ATAD3A: variants seen among roughly 807,000 people sequenced by gnomAD.
The protein encoded by ATAD3A is ATPase family AAA domain-containing protein 3A.
A neutral mutation model predicts 73.8 loss-of-function variants in ATAD3A; 46 were observed. That is an observed-to-expected ratio of 0.62 (90% CI 0.49 to 0.80). The LOEUF is 0.80. Ranked by LOEUF, ATAD3A falls within the 30% of genes least tolerant of loss-of-function variation. ATAD3A has a pLI of 0.00. For missense variants in ATAD3A, 705 were observed against 838.0 expected, an observed-to-expected ratio of 0.84 and a Z score of 1.96; for synonymous variants, 319 against 350.0, an observed-to-expected ratio of 0.91 and a Z score of 0.99.
chr1:1,517,440 G>T, intron 3 of ATAD3A, 28 bp downstream of exon 3: 1 of 1,478,824 alleles, frequency 6.8e-7, no homozygotes. Flanking sequence ...CGCGAGGGAG[G>T]CCGCCCGGCT....
At chr1:1,526,817 C>A (rs1641863883) in intron 13 of ATAD3A, among the ~76,000 whole-genome samples, 1 of 152,216 alleles carries the variant, frequency 6.6e-6, no homozygotes, top group Non-Finnish European at 1.5e-5. Flanking sequence ...TAGGTTTCTG[C>A]GGTCCTGTGC....
In ATAD3A at chr1:1,523,697, C is replaced by T. The variant is rs1363403731; in HGVS notation, c.963+130C>T. On this transcript the variant is annotated intron_variant, in intron 9 of 15. Transcript: ENST00000378756. The surrounding 1 kb of genome is among the most constrained non-coding windows in gnomAD (Gnocchi z 5.1). ...GGTCCTGAGATGCGACTGCTTGGAC[C>T]GTGCTGGGGATAGATAGGCTGCCCC... 1.5e-5 allele frequency: 23 copies of T among 1,585,134 alleles called. No individual in the cohort carries two copies. The highest frequency in any genetic ancestry group is 1.7e-5 in the Non-Finnish European group (20 of 1,163,540).
chr1:1,519,328 G>C (rs1641503560), intron 5 of ATAD3A, among the ~76,000 whole-genome samples: 1 of 132,852 alleles, frequency 7.5e-6, no homozygotes, highest in Non-Finnish European at 1.7e-5. Flanking sequence ...CCAGGTTTAA[G>C]CAATTCTCCT....
rs1553125091 is a variant in ATAD3A at position 1,518,621 on chromosome 1, A to ACAC, written c.445-299_445-298insACC. 7.6e-4 allele frequency among the ~76,000 whole-genome samples: 29 copies of ACAC among 38,098 alleles called. 1 individual carries two copies. Among genetic ancestry groups the ACAC allele is most frequent in the African/African-American group, 5.4e-3 (28 of 5,232 alleles). 25.0% of individuals were successfully genotyped at this position (38,098 alleles called of 152,430 possible). A position where few individuals can be genotyped will look rare whatever the true frequency, so the allele number is the denominator to read the frequency against. ...CACACACCCACACACGGGCGTACAC[A>ACAC]CCCCCCCCCACAGGCACGCACAACC... On this transcript the variant is annotated intron_variant, in intron 4 of 15. Coordinates refer to ENST00000378756, the MANE Select transcript of ATAD3A (RefSeq NM_001170535.3).
Position 1,523,611 on chromosome 1 carries a change from C to T in ATAD3A, c.963+44C>T, listed in dbSNP as rs745698793. 3 of 1,611,508 alleles carry T rather than the reference C, an allele frequency of 1.9e-6. No homozygotes were observed. The African/African-American group carries it at 4.0e-5, about 22-fold the overall frequency. ...GACCGGGGAGGCGCAGGGAGGGGAC[C>T]CTGGAGCTGGGCCGGGCTGTGGCCC... is the stretch of plus-strand genomic sequence containing the variant. On this transcript the variant is annotated intron_variant, in intron 9 of 15. Coordinates refer to ENST00000378756, the MANE Select transcript of ATAD3A (RefSeq NM_001170535.3). This position sits in a 1 kb window ranked among gnomAD's most constrained non-coding sequence, Gnocchi z 5.1.
Position 1,534,411 on chromosome 1 carries a change from G to A in ATAD3A, c.*339G>A. ...GGTGGGTGCTGGCTGAGCCCCCGGG[G>A]CAGCAGGAGCCAGGCAGGTGATGTC... On this transcript the variant is annotated 3_prime_UTR_variant, in exon 16 of 16. Transcript: ENST00000378756. 7.7e-7 allele frequency: 1 copy of A among 1,302,026 alleles called. No individual in the cohort carries two copies. The highest frequency in any genetic ancestry group is 2.8e-5 in the East Asian group (1 of 35,208). 80.7% of individuals were successfully genotyped at this position (1,302,026 alleles called of 1,614,324 possible). A position where few individuals can be genotyped will look rare whatever the true frequency, so the allele number is the denominator to read the frequency against.
intron 12 of ATAD3A, 90 bp downstream of exon 12, chr1:1,525,381 C>G: frequency 8.3e-7 from 1 of 1,199,776 alleles, no homozygotes; most frequent in Middle Eastern, 2.4e-4. Context: ...TGTTCAGTTT[C>G]TTTTTCTCTG....
chr1:1,530,460 G>A (rs1641995293), intron 15 of ATAD3A, among the ~76,000 whole-genome samples: 5 of 152,292 alleles, frequency 3.3e-5, no homozygotes, highest in Admixed American at 3.3e-4. Context: ...CTTGAGTCCA[G>A]GAGGTGGAGG....
At chr1:1,527,206 G>A (rs768700464) in intron 13 of ATAD3A, 113 of 1,302,714 alleles carry the variant, frequency 8.7e-5, no homozygotes, top group Middle Eastern at 8.1e-4. Flanking sequence ...CTGGTCGGCC[G>A]TGGCTGACTC....
At position 1,517,005 on chromosome 1, in the gene ATAD3A, C is replaced by G; in HGVS notation, c.283-306C>G. ...GGGATTATAAGCGAGAGCCGTCGCA[C>G]CCGGTCCACTCAGCAGGATTCCTAA... On this transcript the variant is annotated intron_variant, in intron 2 of 15. Coordinates refer to ENST00000378756, the MANE Select transcript of ATAD3A (RefSeq NM_001170535.3). The G allele has an allele frequency of 5.9e-6, 8 of 1,352,970 alleles. No individual in the cohort carries two copies. In the South Asian group the frequency reaches 1.1e-4, roughly 18 times the overall value. The allele number at this position is 1,352,970 out of a possible 1,614,324, so 83.8% of individuals were successfully genotyped here. A position where few individuals can be genotyped will look rare whatever the true frequency, so the allele number is the denominator to read the frequency against.
Position 1,534,046 on chromosome 1 carries a change from C to G in ATAD3A, c.1735C>G (p.Arg579Gly). 6.2e-7 allele frequency: 1 copy of G among 1,613,596 alleles called. No individual in the cohort carries two copies. The highest frequency in any genetic ancestry group is 8.5e-7 in the Non-Finnish European group (1 of 1,179,906). ...CTGGCTGAAGGCGGAAGGGCCTGGG[C>G]GTGGGGACGAGCCCTCCCCATCCTG... ...MCWLKAEGPGRGDEPSPS is the reference protein window; with the variant it reads ...MCWLKAEGPGGGDEPSPS Residue 579 changes from arginine (R) to glycine (G), a missense_variant, in exon 16 of 16, where the codon CGT becomes GGT. By Grantham distance (125) the Arg-to-Gly change is moderately radical. Coordinates refer to ENST00000378756, the MANE Select transcript of ATAD3A (RefSeq NM_001170535.3).
chr1:1,529,195 C>T (rs754993614), intron 14 of ATAD3A, 28 bp from the exon 15 acceptor site: 17 of 1,605,794 alleles, frequency 1.1e-5, no homozygotes, highest in Non-Finnish European at 1.4e-5. Flanking sequence ...GCTGCCTTGG[C>T]CGGCCCACTT....
At position 1,520,021 on chromosome 1, in the gene ATAD3A, T is replaced by G. The variant is rs1032340534; in HGVS notation, c.515-120T>G. ...TGGGCCGGTCCGTGGCATGGGCCTG[T>G]CTGTGGCGTTGGTCTGTCCGTGGCG... On this transcript the variant is annotated intron_variant, in intron 5 of 15. Transcript: ENST00000378756. The surrounding 1 kb of genome is among the most constrained non-coding windows in gnomAD (Gnocchi z 4.0). 7.2e-7 allele frequency: 1 copy of G among 1,386,924 alleles called. No homozygotes were observed. The highest frequency in any genetic ancestry group is 1.8e-5 in the African/African-American group (1 of 56,532). 85.9% of individuals were successfully genotyped at this position (1,386,924 alleles called of 1,614,324 possible).
intron 12 of ATAD3A, among the ~76,000 whole-genome samples, chr1:1,525,794 C>A (rs1401259009): frequency 6.6e-6 from 1 of 152,146 alleles, no homozygotes; most frequent in Middle Eastern, 3.2e-3. Context: ...TTGCCTCGAC[C>A]TCTGGAGCTC....
In ATAD3A at chr1:1,525,010, G is replaced by A. The variant is rs986696292; in HGVS notation, c.1215-230G>A. On this transcript the variant is annotated intron_variant, in intron 11 of 15. Coordinates refer to ENST00000378756, the MANE Select transcript of ATAD3A (RefSeq NM_001170535.3). ...TGAAGCCTGTGGGGCGGAGTTCGTCGCCCCCGTGTGTGGTTGGTTTCCCAC... is the reference window on the plus strand; with the variant it reads ...TGAAGCCTGTGGGGCGGAGTTCGTCACCCCCGTGTGTGGTTGGTTTCCCAC... 7.2e-5 allele frequency among the ~76,000 whole-genome samples: 11 copies of A among 152,268 alleles called. No homozygotes were observed. In the South Asian group the frequency reaches 1.9e-3, roughly 26 times the overall value.
At chr1:1,527,898 C>T (rs1460926248) in intron 14 of ATAD3A, 36 bp downstream of exon 14, 4 of 1,596,122 alleles carry the variant, frequency 2.5e-6, no homozygotes, top group East Asian at 2.2e-5. Context: ...CGTCCAGGGG[C>T]CCTCGCTCAG....
intron 13 of ATAD3A, chr1:1,527,086 G>A (rs934943939): frequency 1.3e-5 from 14 of 1,081,840 alleles, no homozygotes; most frequent in Middle Eastern, 3.8e-4. Flanking sequence ...TAGGGTGACC[G>A]CCCCATGGCC....
rs183883762 is a variant in ATAD3A, at chr1:1,522,393, C to T, written c.751-351C>T. Reference sequence around the variant, plus strand: ...GAGATTTTGGGTTAGTCTTGTTTTCCAGGAATAAAGTACCATTTTTAGTGG... The same window carrying T: ...GAGATTTTGGGTTAGTCTTGTTTTCTAGGAATAAAGTACCATTTTTAGTGG... On this transcript the variant is annotated intron_variant, in intron 7 of 15. Transcript: ENST00000378756. 3.7e-3 allele frequency among the ~76,000 whole-genome samples: 571 copies of T among 152,302 alleles called. 8 individuals carry two copies. The Middle Eastern group carries it at 0.044, about 12-fold the overall frequency.
chr1:1,522,646 C>G, intron 7 of ATAD3A, 98 bp from the exon 8 acceptor site: 2 of 1,568,142 alleles, frequency 1.3e-6, no homozygotes, highest in Non-Finnish European at 1.7e-6. Context: ...GTGCTTCTCC[C>G]TCGGGCGGAG....
Sources: allele counts gnomAD v4.1 joint callset (sites outside exome capture counted in the v4.1 genomes callset), GRCh38; gene constraint gnomAD v4.1.1; non-coding constraint Gnocchi (gnomAD v3.1); transcripts MANE v1.5; gene names NCBI Gene and HGNC (gene_info 2026-07-23, HGNC 2026-07-21).